Variants in UBAC2 observed in about 807,000 individuals in gnomAD.
The protein encoded by UBAC2 is UBA domain containing 2.
Under a neutral mutation model 44.0 loss-of-function variants are expected in UBAC2, and 26 were observed. The ratio of observed to expected loss-of-function variants is 0.59; its 90% CI spans 0.43 to 0.82. The LOEUF is 0.82. Among genes scored for constraint, UBAC2 ranks in the 40% least tolerant of loss-of-function variants. The pLI, the probability that UBAC2 is intolerant of heterozygous loss-of-function variation, is 0.00. For missense variants in UBAC2, 329 were observed against 419.4 expected, an observed-to-expected ratio of 0.78 and a Z score of 1.88; for synonymous variants, 155 against 154.3, an observed-to-expected ratio of 1.00 and a Z score of -0.04.
At chr13:99,361,844 A>C (rs1376541298) in intron 7 of UBAC2, among the ~76,000 whole-genome samples, 1 of 152,184 alleles carries the variant, frequency 6.6e-6, no homozygotes, top group African/African-American at 2.4e-5. Context: ...TAAAAAAGTT[A>C]AAATAGACCA....
intron 4 of UBAC2, among the ~76,000 whole-genome samples, chr13:99,298,030 C>G (rs1344362342): frequency 6.6e-6 from 1 of 152,082 alleles, no homozygotes; most frequent in African/African-American, 2.4e-5. Flanking sequence ...GAACAGTCTA[C>G]AAAGAATATA....
At chr13:99,352,305 C>T (rs539180000) in intron 7 of UBAC2, among the ~76,000 whole-genome samples, 1 of 152,214 alleles carries the variant, frequency 6.6e-6, no homozygotes, top group African/African-American at 2.4e-5. Context: ...TTTTCATCAC[C>T]CCAAAAGAAA....
intron 4 of UBAC2, among the ~76,000 whole-genome samples, chr13:99,265,172 AACTAGT>A (rs1296186087): frequency 6.6e-6 from 1 of 152,206 alleles, no homozygotes; most frequent in Non-Finnish European, 1.5e-5. Context: ...TATAAAATAA[AACTAGT>A]ACTCCATTCA....
rs1452333721 is a variant in UBAC2 at position 99,295,922 on chromosome 13, A to G, written c.390-18175A>G. ...AGCGGTGGTAAAAAGTATATCAGAA[A>G]TCACCAAATTTGTTGAATAGAGGGT... On this transcript the variant is annotated intron_variant, in intron 4 of 8. Transcript: ENST00000403766. The surrounding 1 kb of genome is among the most constrained non-coding windows in gnomAD (Gnocchi z 4.1). 6.2e-7 allele frequency: 1 copy of G among 1,613,942 alleles called. No homozygotes were observed. Among genetic ancestry groups the G allele is most frequent in the South Asian group, 1.1e-5 (1 of 91,074 alleles).
chr13:99,315,147 C>T (rs541696806), intron 5 of UBAC2, among the ~76,000 whole-genome samples: 3 of 152,110 alleles, frequency 2.0e-5, no homozygotes, highest in Non-Finnish European at 4.4e-5. Context: ...CTTTTACAAC[C>T]GTTTCTCATG....
Position 99,200,896 on chromosome 13 carries a change from G to C in UBAC2, c.-13G>C, listed in dbSNP as rs755341903. 6 of 1,303,384 alleles carry C rather than the reference G, an allele frequency of 4.6e-6. No homozygotes were observed. Among genetic ancestry groups the C allele is most frequent in the African/African-American group, 4.5e-5 (3 of 65,966 alleles). 80.7% of individuals were successfully genotyped at this position (1,303,384 alleles called of 1,614,324 possible). ...CCCCCGGCGCCCTCTGGGGCTCCGA[G>C]CCCGGCGGGACCATGTTCACCAGCA... On this transcript the variant is annotated 5_prime_UTR_variant, in exon 1 of 9. Coordinates refer to ENST00000403766, the MANE Select transcript of UBAC2 (RefSeq NM_001144072.2).
chr13:99,237,414 A>G (rs563107492), intron 1 of UBAC2, among the ~76,000 whole-genome samples: 1 of 152,308 alleles, frequency 6.6e-6, no homozygotes, highest in East Asian at 1.9e-4. Flanking sequence ...GCATGTTCTC[A>G]CACGTGGAAG....
chr13:99,374,004 AATAC>A (rs1288562381), intron 8 of UBAC2, among the ~76,000 whole-genome samples: 2 of 152,222 alleles, frequency 1.3e-5, no homozygotes, highest in African/African-American at 4.8e-5. Context: ...TAATATTAAT[AATAC>A]ATTTATAATG....
intron 1 of UBAC2, among the ~76,000 whole-genome samples, chr13:99,208,006 T>C (rs1374992560): frequency 1.3e-5 from 2 of 149,894 alleles, no homozygotes; most frequent in South Asian, 2.1e-4. Flanking sequence ...TTTTTTTTTT[T>C]TTTTTTTTGA....
chr13:99,359,148 A>T (rs2045230407), intron 7 of UBAC2, among the ~76,000 whole-genome samples: 1 of 152,204 alleles, frequency 6.6e-6, no homozygotes, highest in Admixed American at 6.5e-5. Context: ...GGATGCCACA[A>T]AGCCTGGGGA....
intron 6 of UBAC2, among the ~76,000 whole-genome samples, chr13:99,327,750 C>G (rs566197658): frequency 2.0e-5 from 3 of 152,240 alleles, no homozygotes; most frequent in African/African-American, 7.2e-5. Context: ...TGCTAAAATC[C>G]TACCTCTTAT....
chr13:99,293,323 C>T (rs963903146), intron 4 of UBAC2, among the ~76,000 whole-genome samples: 1 of 152,108 alleles, frequency 6.6e-6, no homozygotes, highest in East Asian at 1.9e-4. Context: ...AGGACTCTTG[C>T]CTACCCTAAG....
chr13:99,360,437 G>A (rs1014178782), intron 7 of UBAC2, among the ~76,000 whole-genome samples: 82 of 152,204 alleles, frequency 5.4e-4, no homozygotes, highest in African/African-American at 1.9e-3. Context: ...AGAAAACCAA[G>A]GGTCATGGAA....
At chr13:99,232,047 T>TA (rs1361037077) in intron 1 of UBAC2, among the ~76,000 whole-genome samples, 1 of 152,190 alleles carries the variant, frequency 6.6e-6, no homozygotes, top group Non-Finnish European at 1.5e-5. Context: ...TGTATTTTTG[T>TA]ACCATGTCTA....
At position 99,243,001 on chromosome 13, in the gene UBAC2, G is replaced by A. The variant is rs530084222; in HGVS notation, c.160-831G>A. Among the ~76,000 whole-genome samples, 443 of 151,854 alleles carry A rather than the reference G, an allele frequency of 2.9e-3. 3 individuals carry two copies. The highest frequency in any genetic ancestry group is 0.01 in the African/African-American group (424 of 41,406). ...CACTTCCTAGATGGGATGGCGGCCG[G>A]GCAGAGACGCTCCTCACTTTCCAGA... On this transcript the variant is annotated intron_variant, in intron 2 of 8. Coordinates refer to ENST00000403766, the MANE Select transcript of UBAC2 (RefSeq NM_001144072.2).
At chr13:99,381,118 T>C (rs1226448771) in intron 8 of UBAC2, among the ~76,000 whole-genome samples, 1 of 152,388 alleles carries the variant, frequency 6.6e-6, no homozygotes, top group South Asian at 2.1e-4. Context: ...TACTCTAGGA[T>C]GTCACCTACG....
In UBAC2 at chr13:99,296,060, G is replaced by A. The variant is rs200374704; in HGVS notation, c.390-18037G>A. On this transcript the variant is annotated intron_variant, in intron 4 of 8. Transcript: ENST00000403766. The stretch of plus-strand genomic sequence containing the variant: ...ATGCAGAGGCATTACTATCCTGGCC[G>A]TGCTGTGATGTGCATAGAGGTCACA... 1.9e-4 allele frequency: 313 copies of A among 1,614,004 alleles called. No individual in the cohort carries two copies. The East Asian group carries it at 5.8e-3, about 30-fold the overall frequency.
intron 4 of UBAC2, among the ~76,000 whole-genome samples, chr13:99,312,147 C>T (rs2044420265): frequency 6.6e-6 from 1 of 152,224 alleles, no homozygotes; most frequent in Non-Finnish European, 1.5e-5. Flanking sequence ...TTGTTTTTAA[C>T]AGTAGAATTG....
chr13:99,207,810 G>A (rs1041783206), intron 1 of UBAC2, among the ~76,000 whole-genome samples: 3 of 152,170 alleles, frequency 2.0e-5, no homozygotes, highest in Non-Finnish European at 2.9e-5. Flanking sequence ...TCCTGCCTTC[G>A]GAACCTGAAT....
Sources: gnomAD v4.1 joint callset for allele counts (sites outside exome capture counted in the v4.1 genomes callset) on GRCh38, gnomAD v4.1.1 for gene constraint, Gnocchi (gnomAD v3.1) non-coding constraint, MANE v1.5 for transcripts, NCBI Gene and HGNC (gene_info 2026-07-23, HGNC 2026-07-21) for gene names.